RRM1: variants seen among roughly 807,000 people sequenced by gnomAD.
The protein encoded by RRM1 is ribonucleoside-diphosphate reductase large subunit.
RRM1 carries 19 observed loss-of-function variants against 101.5 expected under a neutral mutation model. The observed-to-expected ratio is 0.19, with a 90% CI of 0.13 to 0.27. The LOEUF is 0.27. RRM1 is among the 10% of genes least tolerant of loss of function. The pLI is 1.00. For missense variants in RRM1, 500 were observed against 962.9 expected, an observed-to-expected ratio of 0.52 and a Z score of 6.36; for synonymous variants, 298 against 323.4, an observed-to-expected ratio of 0.92 and a Z score of 0.84.
At chr11:4,121,049 C>CT (rs2094581076) in intron 9 of RRM1, among the ~76,000 whole-genome samples, 1 of 152,158 alleles carries the variant, frequency 6.6e-6, no homozygotes, top group Non-Finnish European at 1.5e-5. Flanking sequence ...AACAAAAACT[C>CT]TCCCTAATTG....
In RRM1 at chr11:4,107,545, A is replaced by G. The variant is rs944513868; in HGVS notation, c.387+10A>G. 9 of 1,565,370 alleles carry G rather than the reference A, an allele frequency of 5.7e-6. No homozygotes were observed. The highest frequency in any genetic ancestry group is 7.9e-6 in the Non-Finnish European group (9 of 1,143,854). ...TCTGGCCAATAAAGATGTATGTATA[A>G]CACTTATCTGGTGGAAATTTTTTGA... On this transcript the variant is annotated intron_variant, in intron 4 of 18. Coordinates refer to ENST00000300738, the MANE Select transcript of RRM1 (RefSeq NM_001033.5).
rs766110106 is a variant in RRM1, at chr11:4,126,775, A to C, written c.1412A>C (p.Lys471Thr). 6 of 1,613,904 alleles carry C rather than the reference A, an allele frequency of 3.7e-6. No homozygotes were observed. Among genetic ancestry groups the C allele is most frequent in the Non-Finnish European group, 4.2e-6 (5 of 1,179,820 alleles). The change falls in exon 13 of 19, where the codon AAA becomes ACA. Residue 471 changes from lysine (K) to threonine (T), a missense_variant. Physicochemically the swap from Lys to Thr is moderately conservative, Grantham distance 78. Around this residue, in one of 9 missense-constraint regions of RRM1, gnomAD observed 80 missense variants for 170.9 expected, o/e 0.47. Transcript: ENST00000300738. ...YDFKKLAEVT[K>T]VVVRNLNKII... Reference sequence around the variant, plus strand: ...TTTAAGAAGTTGGCTGAAGTCACTAAAGTCGTTGTCCGAAACTTGAATAAA... The same window carrying C: ...TTTAAGAAGTTGGCTGAAGTCACTACAGTCGTTGTCCGAAACTTGAATAAA...
chr11:4,098,333 GCTTC>G (rs1401545659), intron 1 of RRM1, among the ~76,000 whole-genome samples: 3 of 105,222 alleles, frequency 2.9e-5, no homozygotes, highest in South Asian at 2.9e-4. Flanking sequence ...CTCCCTCCTT[GCTTC>G]CTTCCTTCCT....
At chr11:4,108,682 A>T (rs1308506817) in intron 4 of RRM1, among the ~76,000 whole-genome samples, 4 of 151,922 alleles carry the variant, frequency 2.6e-5, no homozygotes, top group Admixed American at 2.0e-4. Context: ...GAGAAAACTG[A>T]GTTGTTTGTG....
At chr11:4,110,160 A>AT (rs561332791) in intron 5 of RRM1, among the ~76,000 whole-genome samples, 4 of 150,284 alleles carry the variant, frequency 2.7e-5, no homozygotes, top group Non-Finnish European at 3.0e-5. Flanking sequence ...TTAAAAAAAA[A>AT]TTTTTTTTTT....
intron 1 of RRM1, among the ~76,000 whole-genome samples, chr11:4,101,615 A>T (rs529191982): frequency 7.1e-6 from 1 of 141,590 alleles, no homozygotes; most frequent in East Asian, 2.2e-4. Flanking sequence ...GTGAGCCACT[A>T]GGCCTGGCCT....
At chr11:4,113,649 A>G (rs565565403) in intron 7 of RRM1, among the ~76,000 whole-genome samples, 6 of 152,354 alleles carry the variant, frequency 3.9e-5, no homozygotes, top group South Asian at 2.1e-4. Flanking sequence ...AACATTATAC[A>G]GTATACTTAG....
intron 1 of RRM1, among the ~76,000 whole-genome samples, chr11:4,098,475 T>C (rs989436565): frequency 6.8e-6 from 1 of 146,062 alleles, no homozygotes; most frequent in African/African-American, 2.5e-5. Flanking sequence ...ATTTTACAAC[T>C]CTGTGGATAC....
chr11:4,106,932 C>T (rs927536257), intron 3 of RRM1, among the ~76,000 whole-genome samples: 23 of 151,568 alleles, frequency 1.5e-4, no homozygotes, highest in African/African-American at 2.7e-4. Context: ...TTGCTCTTAT[C>T]GCCTAGGCTG....
At chr11:4,119,443 C>T (rs2094578430) in intron 8 of RRM1, among the ~76,000 whole-genome samples, 1 of 152,082 alleles carries the variant, frequency 6.6e-6, no homozygotes, top group Non-Finnish European at 1.5e-5. Context: ...GCATATAATT[C>T]TTATTGTAAA....
intron 14 of RRM1, 119 bp downstream of exon 14, chr11:4,127,375 G>T: frequency 1.4e-5 from 8 of 588,338 alleles, no homozygotes; most frequent in Non-Finnish European, 1.9e-5. Flanking sequence ...AATTTCATTT[G>T]GTTCAAAAAA....
chr11:4,123,683 A>G (rs886700974), intron 12 of RRM1, among the ~76,000 whole-genome samples: 1 of 152,214 alleles, frequency 6.6e-6, no homozygotes, highest in Non-Finnish European at 1.5e-5. Context: ...GACACACACA[A>G]AAATGTGTTA....
chr11:4,113,127 A>T (rs1016331338), intron 7 of RRM1, among the ~76,000 whole-genome samples: 2 of 152,126 alleles, frequency 1.3e-5, no homozygotes, highest in African/African-American at 2.4e-5. Context: ...TAAAAAAAAA[A>T]ATATGCCATT....
chr11:4,130,086 A>ATTTTT (rs796657105), intron 15 of RRM1, among the ~76,000 whole-genome samples: 34 of 99,446 alleles, frequency 3.4e-4, no homozygotes, highest in African/African-American at 1.8e-3. Flanking sequence ...ATATATATAT[A>ATTTTT]TTTTTTTTTT....
chr11:4,121,357 C>T (rs576803612), intron 9 of RRM1, among the ~76,000 whole-genome samples: 1 of 152,304 alleles, frequency 6.6e-6, no homozygotes, highest in Admixed American at 6.5e-5. Flanking sequence ...TTCATCATGT[C>T]ACTTTAGAAA....
intron 1 of RRM1, among the ~76,000 whole-genome samples, chr11:4,099,130 G>C (rs1275143674): frequency 6.6e-6 from 1 of 151,882 alleles, no homozygotes; most frequent in African/African-American, 2.4e-5. Context: ...TAGTATGCTA[G>C]AGGATTTTTT....
At chr11:4,124,059 A>G (rs1292678837) in intron 12 of RRM1, among the ~76,000 whole-genome samples, 1 of 152,210 alleles carries the variant, frequency 6.6e-6, no homozygotes, top group Non-Finnish European at 1.5e-5. Flanking sequence ...CAGTGTGGCA[A>G]GTAAGTCTGT....
chr11:4,120,133 C>T (rs933286778), intron 9 of RRM1, among the ~76,000 whole-genome samples: 5 of 151,976 alleles, frequency 3.3e-5, no homozygotes, highest in African/African-American at 1.2e-4. Context: ...CTTGTGTAAT[C>T]ACCACATTGA....
intron 5 of RRM1, among the ~76,000 whole-genome samples, chr11:4,110,399 C>T (rs1234985154): frequency 6.6e-6 from 1 of 152,140 alleles, no homozygotes; most frequent in Non-Finnish European, 1.5e-5. Flanking sequence ...GTGATCCACC[C>T]ACCTTGGCCT....
Sources: allele counts gnomAD v4.1 joint callset (sites outside exome capture counted in the v4.1 genomes callset), GRCh38; gene constraint gnomAD v4.1.1; regional missense constraint gnomAD v4.1.1; transcripts MANE v1.5; gene names NCBI Gene and HGNC (gene_info 2026-07-23, HGNC 2026-07-21).